GLI3: variants seen among roughly 807,000 people sequenced by gnomAD.
The protein encoded by GLI3 is GLI family zinc finger 3, also known as transcription activator GLI3.
In GLI3, 20 loss-of-function variants were observed where a neutral mutation model predicts 100.8. The observed-to-expected ratio is 0.20, with a 90% CI of 0.14 to 0.29. The LOEUF (loss-of-function observed/expected upper bound fraction) is 0.29, where lower values mean the gene tolerates loss of function less well. Among genes scored for constraint, GLI3 ranks in the 10% least tolerant of loss-of-function variants. The pLI, the probability that GLI3 is intolerant of heterozygous loss-of-function variation, is 1.00. For synonymous variants in GLI3, 938 were observed against 860.5 expected, an observed-to-expected ratio of 1.09 and a Z score of -1.58; for missense variants, 2,040 against 2,128.5, an observed-to-expected ratio of 0.96 and a Z score of 0.82.
At chr7:42,170,638 G>A (rs556264880) in intron 2 of GLI3, among the ~76,000 whole-genome samples, 2 of 151,886 alleles carry the variant, frequency 1.3e-5, no homozygotes, top group African/African-American at 2.4e-5. Context: ...TCCTGACCTC[G>A]TGATCCACCC....
chr7:41,976,884 T>C (rs1787527672), intron 12 of GLI3, among the ~76,000 whole-genome samples: 1 of 152,210 alleles, frequency 6.6e-6, no homozygotes, highest in South Asian at 2.1e-4. Context: ...TTTTTATTCT[T>C]ATGCCTCTCT....
At chr7:42,218,111 C>G (rs186861679) in intron 2 of GLI3, among the ~76,000 whole-genome samples, 143 of 152,268 alleles carry the variant, frequency 9.4e-4, no homozygotes, top group Non-Finnish European at 1.8e-3. Context: ...ATCCTATGAT[C>G]TGAAATCCAT....
intron 1 of GLI3, among the ~76,000 whole-genome samples, chr7:42,255,684 C>A (rs1021514279): frequency 6.6e-5 from 10 of 152,110 alleles, no homozygotes; most frequent in African/African-American, 2.2e-4. Flanking sequence ...TGTATAGATG[C>A]CCTACATTTT....
At chr7:42,204,292 G>A (rs947986765) in intron 2 of GLI3, among the ~76,000 whole-genome samples, 4 of 151,666 alleles carry the variant, frequency 2.6e-5, no homozygotes, top group Admixed American at 6.6e-5. Flanking sequence ...CCAAACCACC[G>A]AGAATGCTCA....
In GLI3 at chr7:42,045,542, CAA is replaced by C. The variant is rs759633765; in HGVS notation, c.680-14_680-13del. On this transcript the variant is annotated splice_polypyrimidine_tract_variant and intron_variant, in intron 5 of 14. Coordinates refer to ENST00000395925, the MANE Select transcript of GLI3 (RefSeq NM_000168.6). ...TCCTGCATGGGGCGCTAGGAGGAGA[CAA>C]GAGATGTATGGTTACTAGCGAAAGA... 5 of 1,613,490 alleles carry C rather than the reference CAA, an allele frequency of 3.1e-6. No individual in the cohort carries two copies. Among genetic ancestry groups the C allele is most frequent in the Admixed American group, 1.7e-5 (1 of 59,986 alleles).
intron 4 of GLI3, among the ~76,000 whole-genome samples, chr7:42,049,277 G>A (rs529188855): frequency 2.0e-5 from 3 of 152,284 alleles, no homozygotes; most frequent in Non-Finnish European, 2.9e-5. Flanking sequence ...ATGGGAAATC[G>A]GTCACTCTAA....
chr7:42,227,286 G>GT (rs1397748032), intron 1 of GLI3, among the ~76,000 whole-genome samples: 1 of 148,958 alleles, frequency 6.7e-6, no homozygotes, highest in Non-Finnish European at 1.5e-5. Flanking sequence ...GGGGAAAAAT[G>GT]TTTGTAGCTG....
At chr7:42,170,520 A>G (rs1314192666) in intron 2 of GLI3, among the ~76,000 whole-genome samples, 1 of 146,668 alleles carries the variant, frequency 6.8e-6, no homozygotes, top group Non-Finnish European at 1.5e-5. Flanking sequence ...CTCCTGCCTC[A>G]GCCTCCCGAG....
intron 2 of GLI3, among the ~76,000 whole-genome samples, chr7:42,185,990 C>T (rs557840144): frequency 2.0e-5 from 3 of 152,320 alleles, no homozygotes; most frequent in African/African-American, 7.2e-5. Flanking sequence ...GCCTCACTGT[C>T]ACCATGCATT....
chr7:42,146,373 G>A (rs1310044578), intron 3 of GLI3, among the ~76,000 whole-genome samples: 3 of 152,298 alleles, frequency 2.0e-5, no homozygotes, highest in Non-Finnish European at 4.4e-5. Flanking sequence ...CCCAGGTGTA[G>A]AGAGCTCCCA....
chr7:41,989,819 G>A (rs1449632580), intron 10 of GLI3, among the ~76,000 whole-genome samples: 4 of 151,704 alleles, frequency 2.6e-5, no homozygotes, highest in African/African-American at 7.3e-5. Flanking sequence ...GATTGCTTGA[G>A]CCCAGGCGTT....
intron 2 of GLI3, among the ~76,000 whole-genome samples, chr7:42,193,635 C>T (rs1295783104): frequency 2.6e-5 from 4 of 152,100 alleles, no homozygotes; most frequent in African/African-American, 9.7e-5. Context: ...ATCTGAACAC[C>T]CACATCCACC....
chr7:42,177,077 T>C (rs1787494335), intron 2 of GLI3, among the ~76,000 whole-genome samples: 1 of 152,160 alleles, frequency 6.6e-6, no homozygotes, highest in Non-Finnish European at 1.5e-5. Flanking sequence ...GAGGGGCTGA[T>C]CTAGGTGCTG....
intron 4 of GLI3, 75 bp downstream of exon 4, chr7:42,076,677 T>C: frequency 1.1e-6 from 1 of 916,570 alleles, no homozygotes; most frequent in Non-Finnish European, 1.8e-6. Context: ...GGACATGCCA[T>C]TAACAAAAAG....
At chr7:42,127,006 C>A (rs1022493708) in intron 3 of GLI3, among the ~76,000 whole-genome samples, 1 of 152,236 alleles carries the variant, frequency 6.6e-6, no homozygotes, top group Non-Finnish European at 1.5e-5. Context: ...TACACTCCCA[C>A]ACTCGATATG....
At chr7:42,020,219 C>G (rs1788897556) in intron 10 of GLI3, among the ~76,000 whole-genome samples, 1 of 152,198 alleles carries the variant, frequency 6.6e-6, no homozygotes, top group Non-Finnish European at 1.5e-5. Context: ...CGGGCAAAGT[C>G]AGCCAAGTTT....
intron 3 of GLI3, among the ~76,000 whole-genome samples, chr7:42,083,305 C>T (rs993347387): frequency 7.9e-5 from 12 of 152,156 alleles, no homozygotes; most frequent in African/African-American, 2.4e-4. Context: ...CTTTCTGCAC[C>T]TGGCTTATTT....
At chr7:42,146,726 G>C (rs1453093345) in intron 3 of GLI3, among the ~76,000 whole-genome samples, 1 of 152,152 alleles carries the variant, frequency 6.6e-6, no homozygotes, top group Non-Finnish European at 1.5e-5. Context: ...AAGCATGTAG[G>C]AGTCCCTCAC....
intron 3 of GLI3, among the ~76,000 whole-genome samples, chr7:42,143,463 G>A (rs1180291476): frequency 6.6e-6 from 1 of 152,156 alleles, no homozygotes; most frequent in Non-Finnish European, 1.5e-5. Context: ...ATGAGCAAGT[G>A]TACCTATTAA....
Sources: gnomAD v4.1 joint callset for allele counts (sites outside exome capture counted in the v4.1 genomes callset) on GRCh38, gnomAD v4.1.1 for gene constraint, MANE v1.5 for transcripts, NCBI Gene and HGNC (gene_info 2026-07-23, HGNC 2026-07-21) for gene names.